Variants in ARMC2 observed in about 807,000 individuals in gnomAD.
The protein encoded by ARMC2 is armadillo repeat-containing protein 2.
ARMC2 carries 67 observed loss-of-function variants against 90.3 expected under a neutral mutation model. That is an observed-to-expected ratio of 0.74 (90% confidence interval 0.61 to 0.91). The LOEUF (loss-of-function observed/expected upper bound fraction) is 0.91. Ranked by LOEUF, ARMC2 falls within the 40% of genes least tolerant of loss-of-function variation. The pLI, the probability that ARMC2 is intolerant of heterozygous loss-of-function variation, is 0.00. For synonymous variants in ARMC2, 393 were observed against 393.0 expected, an observed-to-expected ratio of 1.00 and a Z score of 0.00; for missense variants, 920 against 1,030.9, an observed-to-expected ratio of 0.89 and a Z score of 1.47.
At chr6:109,030,796 C>T in the ARMC2 span, among the ~76,000 whole-genome samples, 1 of 152,194 alleles carries the variant, frequency 6.6e-6, no homozygotes, top group Admixed American at 6.5e-5. Flanking sequence ...CAACTTCTTA[C>T]AACAACCTTG....
chr6:108,978,774 G>T (rs1278430983), downstream of ARMC2, among the ~76,000 whole-genome samples: 3 of 151,214 alleles, frequency 2.0e-5, no homozygotes, highest in Non-Finnish European at 4.4e-5. Context: ...CTTTTGTTCT[G>T]TATTGGTTTA....
At chr6:108,904,480 T>TCTTTGTAATATTTAA in intron 8 of ARMC2, 75 bp downstream of exon 8, 1 of 1,317,958 alleles carries the variant, frequency 7.6e-7, no homozygotes, top group Non-Finnish European at 1.0e-6. Flanking sequence ...TTTTAAATAT[T>TCTTTGTAATATTTAA]ACAAAGAATA....
rs781413999 is a variant in ARMC2 at position 108,953,126 on chromosome 6, C to G, written c.1690C>G (p.Gln564Glu). 1 of 1,613,974 alleles carries G rather than the reference C, an allele frequency of 6.2e-7. No individual in the cohort carries two copies. The highest frequency in any genetic ancestry group is 8.5e-7 in the Non-Finnish European group (1 of 1,179,886). Residue 564 changes from glutamine to glutamate, a missense_variant, in exon 13 of 18, where the codon CAA (glutamine) becomes GAA (glutamate). Gln to Glu is a conservative substitution (Grantham distance 29). Coordinates refer to ENST00000392644, the MANE Select transcript of ARMC2 (RefSeq NM_032131.6). ...EQFSKEKGSI[Q>E]TLLSLFQTFH... ...ATTTTCCAAAGAGAAAGGGAGCATC[C>G]AAACTCTGCTGTCATTATTCCAGAC... is the stretch of plus-strand genomic sequence containing the variant.
chr6:108,977,393 G>A (rs183845194), downstream of ARMC2, among the ~76,000 whole-genome samples: 858 of 152,210 alleles, frequency 5.6e-3, 5 homozygotes, highest in Non-Finnish European at 7.3e-3. Flanking sequence ...TGCTGGATTC[G>A]GCTTGTCAGT....
chr6:108,905,161 G>A (rs1240403228), intron 8 of ARMC2, among the ~76,000 whole-genome samples: 1 of 152,164 alleles, frequency 6.6e-6, no homozygotes, highest in Non-Finnish European at 1.5e-5. Context: ...TACAAGCTTT[G>A]TGCTAACACC....
chr6:108,960,947 C>T (rs561523058), intron 13 of ARMC2, among the ~76,000 whole-genome samples: 4 of 152,098 alleles, frequency 2.6e-5, no homozygotes, highest in East Asian at 1.9e-4. Context: ...GTGAACCAGA[C>T]GACGCAGTCT....
chr6:108,999,591 T>G, the ARMC2 span, among the ~76,000 whole-genome samples: 4 of 152,146 alleles, frequency 2.6e-5, no homozygotes, highest in African/African-American at 4.8e-5. Flanking sequence ...CACTTCACAC[T>G]TATCAGAATG....
At chr6:109,015,383 G>T in the ARMC2 span, among the ~76,000 whole-genome samples, 4 of 152,266 alleles carry the variant, frequency 2.6e-5, 1 homozygote, top group Middle Eastern at 6.8e-3. Flanking sequence ...TGGATCACTT[G>T]TTAAGTCAGG....
At chr6:109,034,345 CTG>C in the ARMC2 span, among the ~76,000 whole-genome samples, 1 of 152,090 alleles carries the variant, frequency 6.6e-6, no homozygotes, top group African/African-American at 2.4e-5. Context: ...TACTAAGTAT[CTG>C]TAAATAATTT....
At chr6:108,877,474 T>C (rs1024328311) in intron 5 of ARMC2, among the ~76,000 whole-genome samples, 1 of 152,170 alleles carries the variant, frequency 6.6e-6, no homozygotes, top group Non-Finnish European at 1.5e-5. Context: ...AAATGAAATG[T>C]CTCCTTAAGT....
At chr6:108,992,224 G>A in the ARMC2 span, among the ~76,000 whole-genome samples, 4 of 152,026 alleles carry the variant, frequency 2.6e-5, no homozygotes, top group Non-Finnish European at 5.9e-5. Context: ...TCAGCCTCCT[G>A]AGTAGATGGG....
At chr6:109,044,311 C>CAAAAAAAA in the ARMC2 span, among the ~76,000 whole-genome samples, 11 of 28,460 alleles carry the variant, frequency 3.9e-4, no homozygotes, top group Non-Finnish European at 4.9e-4. Context: ...GAACTTGCCT[C>CAAAAAAAA]AAAAAAAAAA....
the ARMC2 span, among the ~76,000 whole-genome samples, chr6:109,042,164 T>C: frequency 7.4e-4 from 112 of 151,924 alleles, no homozygotes; most frequent in Non-Finnish European, 1.3e-3. Context: ...AGGATGAAAA[T>C]GAAAATACAA....
the ARMC2 span, among the ~76,000 whole-genome samples, chr6:109,016,766 C>T: frequency 6.6e-6 from 1 of 152,026 alleles, no homozygotes; most frequent in African/African-American, 2.4e-5. Flanking sequence ...AGATATAATA[C>T]CACTTAAAAA....
At chr6:108,888,067 T>C (rs1770542664) in intron 5 of ARMC2, among the ~76,000 whole-genome samples, 1 of 152,204 alleles carries the variant, frequency 6.6e-6, no homozygotes, top group Non-Finnish European at 1.5e-5. Context: ...ATCTCCTCTC[T>C]GTCCTCAAGC....
At chr6:108,901,098 ATTTTTTTTTTTTTT>A (rs1173637475) in intron 7 of ARMC2, among the ~76,000 whole-genome samples, 922 of 59,328 alleles carry the variant, frequency 0.016, 16 homozygotes, top group African/African-American at 0.055. Flanking sequence ...GAAAGAAGGA[ATTTTTTTTTTTTTT>A]TTTTTTTTTT....
At chr6:108,868,089 G>T (rs527591438) in intron 3 of ARMC2, among the ~76,000 whole-genome samples, 1 of 151,972 alleles carries the variant, frequency 6.6e-6, no homozygotes, top group Non-Finnish European at 1.5e-5. Context: ...ATATGTAAAT[G>T]TACCACTTAC....
intron 10 of ARMC2, among the ~76,000 whole-genome samples, chr6:108,914,858 T>TC (rs1428096219): frequency 1.3e-5 from 2 of 152,120 alleles, no homozygotes; most frequent in Non-Finnish European, 2.9e-5. Context: ...ACCAGCCGGT[T>TC]CATGTGCAAA....
intron 4 of ARMC2, among the ~76,000 whole-genome samples, chr6:108,875,186 G>A (rs1229382931): frequency 1.3e-5 from 2 of 152,244 alleles, no homozygotes; most frequent in Non-Finnish European, 1.5e-5. Flanking sequence ...TTGCTGATAA[G>A]GGAAATGTTA....
Sources: gnomAD v4.1 joint callset for allele counts (sites outside exome capture counted in the v4.1 genomes callset) on GRCh38, gnomAD v4.1.1 for gene constraint, MANE v1.5 for transcripts, NCBI Gene and HGNC (gene_info 2026-07-23, HGNC 2026-07-21) for gene names.